CRACD: variants seen among roughly 807,000 people sequenced by gnomAD.
CRACD encodes the protein capping protein inhibiting regulator of actin dynamics, also known as capping protein-inhibiting regulator of actin dynamics.
In CRACD, 56 loss-of-function variants were observed where a neutral mutation model predicts 106.8. The ratio of observed to expected loss-of-function variants is 0.52; its 90% CI spans 0.42 to 0.66. The LOEUF (loss-of-function observed/expected upper bound fraction) is 0.66, where lower values mean the gene tolerates loss of function less well. CRACD is among the 30% of genes least tolerant of loss of function. The pLI, the probability that CRACD is intolerant of heterozygous loss-of-function variation, is 0.00. For synonymous variants in CRACD, 754 were observed against 670.8 expected (o/e 1.12, Z -1.92); for missense variants, 1,730 against 1,623.2 (o/e 1.07, Z -1.13).
At chr4:56,219,882 T>C (rs1738932937) in intron 2 of CRACD, among the ~76,000 whole-genome samples, 1 of 152,166 alleles carries the variant, frequency 6.6e-6, no homozygotes, top group Admixed American at 6.5e-5. Flanking sequence ...GTAAAAGGTG[T>C]TGGGTAAGAT....
intron 1 of CRACD, among the ~76,000 whole-genome samples, chr4:56,107,946 AAC>A (rs777438495): frequency 7.9e-5 from 12 of 152,220 alleles, no homozygotes; most frequent in Non-Finnish European, 1.5e-4. Flanking sequence ...CATGCACATC[AAC>A]ACTGTGTACG....
At chr4:56,273,457 A>G (rs1222622902) in intron 3 of CRACD, among the ~76,000 whole-genome samples, 3 of 146,282 alleles carry the variant, frequency 2.1e-5, no homozygotes, top group African/African-American at 5.1e-5. Flanking sequence ...CCCGCCTCTT[A>G]GAACACAGGC....
chr4:56,188,622 C>CTTCT (rs1553908618), intron 2 of CRACD, among the ~76,000 whole-genome samples: 6 of 121,546 alleles, frequency 4.9e-5, no homozygotes, highest in Non-Finnish European at 8.2e-5. Flanking sequence ...ATCTGTCTAG[C>CTTCT]CTCTCTCTCT....
At chr4:56,162,097 C>A (rs1735980243) in intron 1 of CRACD, among the ~76,000 whole-genome samples, 1 of 152,242 alleles carries the variant, frequency 6.6e-6, no homozygotes. Flanking sequence ...CTAACCAGGG[C>A]AGGTGAGACT....
intron 1 of CRACD, among the ~76,000 whole-genome samples, chr4:56,087,096 C>G (rs1733254429): frequency 6.6e-6 from 1 of 152,090 alleles, no homozygotes; most frequent in Admixed American, 6.5e-5. Flanking sequence ...ACTACAACCT[C>G]CGCCTCCCGG....
intron 2 of CRACD, among the ~76,000 whole-genome samples, chr4:56,207,745 CATATATATATATATATATATAT>C (rs58423475): frequency 1.9e-4 from 20 of 106,170 alleles, no homozygotes; most frequent in South Asian, 7.7e-4. Flanking sequence ...CTTGTTTTCT[CATATATATATATATATATATAT>C]ATATATATAT....
intron 2 of CRACD, among the ~76,000 whole-genome samples, chr4:56,233,901 C>A (rs1230248403): frequency 1.3e-5 from 2 of 152,096 alleles, no homozygotes; most frequent in African/African-American, 4.8e-5. Context: ...GTGTACAGAT[C>A]TTTCACATCT....
chr4:56,110,036 C>T (rs948640317), intron 1 of CRACD, among the ~76,000 whole-genome samples: 1 of 152,028 alleles, frequency 6.6e-6, no homozygotes, highest in African/African-American at 2.4e-5. Context: ...CCTGAAGCTT[C>T]CTGGTGTGAC....
intron 2 of CRACD, among the ~76,000 whole-genome samples, chr4:56,214,721 A>G (rs1008969369): frequency 1.0e-4 from 14 of 134,048 alleles, no homozygotes; most frequent in African/African-American, 3.5e-4. Flanking sequence ...TTTTTAAGAG[A>G]CAGTGTACTG....
intron 1 of CRACD, among the ~76,000 whole-genome samples, chr4:56,168,822 A>G (rs776617530): frequency 2.6e-5 from 4 of 152,122 alleles, no homozygotes; most frequent in Non-Finnish European, 4.4e-5. Flanking sequence ...AAGGGGATTC[A>G]GGAATGCAGA....
chr4:56,307,848 G>A (rs1440931307), intron 5 of CRACD, 149 bp downstream of exon 5: 2 of 715,472 alleles, frequency 2.8e-6, no homozygotes, highest in African/African-American at 1.8e-5. Context: ...CCTGGTAGGT[G>A]TCCTGACCTG....
At chr4:56,091,135 C>T (rs1733411303) in intron 1 of CRACD, among the ~76,000 whole-genome samples, 1 of 152,070 alleles carries the variant, frequency 6.6e-6, no homozygotes, top group South Asian at 2.1e-4. Flanking sequence ...TCACTGCAGC[C>T]TTGAACTCCT....
chr4:56,123,784 G>C (rs1734568670), intron 1 of CRACD, among the ~76,000 whole-genome samples: 1 of 152,074 alleles, frequency 6.6e-6, no homozygotes, highest in Non-Finnish European at 1.5e-5. Flanking sequence ...GGGACCCTTG[G>C]ATATTCCTAA....
Position 56,283,040 on chromosome 4 carries a change from C to T in CRACD, c.-17+10548C>T, listed in dbSNP as rs1186558521. The stretch of plus-strand genomic sequence containing the variant: ...CTTTCCTTTGCAACCTCTCTCTTTG[C>T]TCTGACCTTCAAGTGTGCTGAGCTC... On this transcript the variant is annotated intron_variant, in intron 3 of 10. Coordinates refer to ENST00000682029, the MANE Select transcript of CRACD (RefSeq NM_001393381.1). Among the ~76,000 whole-genome samples, 3 of 152,180 alleles carry T rather than the reference C, an allele frequency of 2.0e-5. No homozygotes were observed. In the East Asian group the frequency reaches 5.8e-4, roughly 29 times the overall value.
At chr4:56,324,373 A>G in intron 10 of CRACD, 107 bp downstream of exon 10, 1 of 1,045,162 alleles carries the variant, frequency 9.6e-7, no homozygotes, top group Non-Finnish European at 1.4e-6. Context: ...CAGGCATTTC[A>G]AAGCACAGGC....
At chr4:56,208,950 G>A (rs188880173) in intron 2 of CRACD, among the ~76,000 whole-genome samples, 82 of 152,220 alleles carry the variant, frequency 5.4e-4, no homozygotes, top group Non-Finnish European at 3.7e-4. Flanking sequence ...ACCTGAGAAA[G>A]ACAGCGTGAG....
chr4:56,198,583 T>C (rs1737732673), intron 2 of CRACD, among the ~76,000 whole-genome samples: 1 of 152,186 alleles, frequency 6.6e-6, no homozygotes, highest in Admixed American at 6.5e-5. Flanking sequence ...TCTTATTCTC[T>C]ATGTATGAGA....
intron 4 of CRACD, among the ~76,000 whole-genome samples, chr4:56,299,668 C>CAA (rs745452206): frequency 3.7e-4 from 48 of 130,460 alleles, no homozygotes; most frequent in African/African-American, 1.3e-3. Context: ...AGAGCTTGTC[C>CAA]AAAAAAAAAA....
intron 2 of CRACD, among the ~76,000 whole-genome samples, chr4:56,270,455 C>A (rs1290746008): frequency 6.6e-6 from 1 of 152,100 alleles, no homozygotes; most frequent in Admixed American, 6.5e-5. Context: ...CATTTGTGTG[C>A]CTGGATTCCT....
Sources: allele counts gnomAD v4.1 joint callset (sites outside exome capture counted in the v4.1 genomes callset), GRCh38; gene constraint gnomAD v4.1.1; transcripts MANE v1.5; gene names NCBI Gene and HGNC (gene_info 2026-07-23, HGNC 2026-07-21).